Variants in SLC14A2 observed in about 807,000 individuals in gnomAD.
The protein encoded by SLC14A2 is solute carrier family 14 member 2.
SLC14A2 carries 91 observed loss-of-function variants against 104.6 expected under a neutral mutation model. That is an observed-to-expected ratio of 0.87 (90% CI 0.73 to 1.04). The LOEUF is 1.04. Among genes scored for constraint, SLC14A2 ranks in the 50% least tolerant of loss-of-function variants. The pLI is 0.00. For synonymous variants in SLC14A2, 476 were observed against 466.4 expected, an observed-to-expected ratio of 1.02 and a Z score of -0.27; for missense variants, 1,189 against 1,156.0, an observed-to-expected ratio of 1.03 and a Z score of -0.41.
At chr18:45,629,465 G>A (rs2045311715) in intron 4 of SLC14A2, among the ~76,000 whole-genome samples, 1 of 152,114 alleles carries the variant, frequency 6.6e-6, no homozygotes, top group African/African-American at 2.4e-5. Flanking sequence ...TGAGCCCCTG[G>A]CAGATCAGCC....
At chr18:45,266,699 TGCAGACACATTGCCA>T (rs1342098576) in intron 1 of SLC14A2, among the ~76,000 whole-genome samples, 4 of 152,188 alleles carry the variant, frequency 2.6e-5, no homozygotes, top group African/African-American at 9.6e-5. Context: ...AATCACCCTT[TGCAGACACATTGCCA>T]AATCATATAT....
At position 45,675,709 on chromosome 18, in the gene SLC14A2, A is replaced by ATATATATAT. The variant is rs57989993; in HGVS notation, c.2512+1893_2512+1894insATATATATT. On this transcript the variant is annotated intron_variant, in intron 18 of 19. Coordinates refer to ENST00000255226, the MANE Select transcript of SLC14A2 (RefSeq NM_007163.4). ...TCTATATATATATATATATATATATATTTTTTTTTTTTTTTTTTTTGGAGA... is the reference window on the plus strand; with the variant it reads ...TCTATATATATATATATATATATATATATATATATTTTTTTTTTTTTTTTTTTTTGGAGA... 8.8e-3 allele frequency among the ~76,000 whole-genome samples: 694 copies of ATATATATAT among 78,428 alleles called. 8 individuals are homozygous for ATATATATAT. Among genetic ancestry groups the ATATATATAT allele is most frequent in the Non-Finnish European group, 0.013 (548 of 42,034 alleles). The allele number at this position is 78,428 out of a possible 152,430, so 51.5% of individuals were successfully genotyped here.
chr18:45,199,459 A>G, the SLC14A2 span, among the ~76,000 whole-genome samples: 1 of 151,890 alleles, frequency 6.6e-6, no homozygotes, highest in African/African-American at 2.4e-5. Context: ...AAATTTGTTC[A>G]GTTCTTTTTT....
chr18:45,557,568 A>G (rs914607926), intron 2 of SLC14A2, among the ~76,000 whole-genome samples: 3 of 152,094 alleles, frequency 2.0e-5, no homozygotes, highest in Non-Finnish European at 4.4e-5. Flanking sequence ...AATGTCCCCA[A>G]ATGCTGCCTC....
chr18:45,623,033 G>A (rs940033509), intron 1 of SLC14A2, among the ~76,000 whole-genome samples: 6 of 152,110 alleles, frequency 3.9e-5, no homozygotes, highest in African/African-American at 1.2e-4. Context: ...CATGAGGGAG[G>A]GAGACAGGTG....
the SLC14A2 span, among the ~76,000 whole-genome samples, chr18:45,179,118 T>G: frequency 6.6e-6 from 1 of 152,048 alleles, no homozygotes; most frequent in Non-Finnish European, 1.5e-5. Context: ...TCCCAGGGAG[T>G]TTGCTTCCTC....
rs568041064 is a variant in SLC14A2 at position 45,515,308 on chromosome 18, A to G, written c.-35+31986A>G. On this transcript the variant is annotated intron_variant, in intron 2 of 20. Coordinates refer to the SLC14A2 transcript ENST00000586448. ...GAGCTAAAATGAATTTTAAGGAGCA[A>G]TGATTATAGAGAGTGTAGACAGTGT... The G allele has an allele frequency of 6.2e-4, 94 of 152,360 alleles. 1 individual carries two copies. The highest frequency in any genetic ancestry group is 2.0e-3 in the African/African-American group (84 of 41,582). 9.4% of individuals were successfully genotyped at this position (152,360 alleles called of 1,614,324 possible).
chr18:45,287,864 C>T (rs529515381), intron 1 of SLC14A2, among the ~76,000 whole-genome samples: 1 of 152,248 alleles, frequency 6.6e-6, no homozygotes, highest in South Asian at 2.1e-4. Flanking sequence ...CCCAGCCCCG[C>T]AGGACCTACA....
chr18:45,254,074 G>A (rs2084450362), intron 1 of SLC14A2, among the ~76,000 whole-genome samples: 1 of 152,114 alleles, frequency 6.6e-6, no homozygotes, highest in African/African-American at 2.4e-5. Flanking sequence ...TTTATAGGTG[G>A]GGAGTCCCAG....
intron 1 of SLC14A2, among the ~76,000 whole-genome samples, chr18:45,379,911 T>C (rs1418091744): frequency 6.6e-6 from 1 of 152,208 alleles, no homozygotes. Context: ...AGGAACACTA[T>C]GTAAATCACT....
chr18:45,318,328 T>C (rs1460513977), intron 1 of SLC14A2, among the ~76,000 whole-genome samples: 1 of 152,136 alleles, frequency 6.6e-6, no homozygotes, highest in African/African-American at 2.4e-5. Context: ...AGGTTTGGGA[T>C]GCTTTTCTCA....
chr18:45,533,988 A>AAAAC (rs531726098), intron 2 of SLC14A2, among the ~76,000 whole-genome samples: 13 of 152,318 alleles, frequency 8.5e-5, no homozygotes, highest in African/African-American at 2.6e-4. Flanking sequence ...AGAAAGAAGA[A>AAAAC]AAACAAACAA....
the SLC14A2 span, among the ~76,000 whole-genome samples, chr18:45,173,191 TGG>T: frequency 2.6e-5 from 4 of 152,064 alleles, no homozygotes; most frequent in Non-Finnish European, 5.9e-5. Flanking sequence ...TTGAAATGGG[TGG>T]GAGATGGAGC....
Position 45,667,055 on chromosome 18 carries a change from A to G in SLC14A2, c.1678A>G (p.Ile560Val). Residue 560 changes from isoleucine (I) to valine (V), a missense_variant, in exon 13 of 20, where the codon ATC becomes GTC. By Grantham distance (29) the Ile-to-Val change is conservative. Coordinates refer to ENST00000255226, the MANE Select transcript of SLC14A2 (RefSeq NM_007163.4). ...AAGGGTCAGCAAAGCCCTCAGCTAC[A>G]TCACAGGAGAGATGAAGGAGTGTGG... The part of the protein sequence containing the change: ...GKRVSKALSY[I>V]TGEMKECGEG... 1 of 1,613,966 alleles carries G rather than the reference A, an allele frequency of 6.2e-7. No individual in the cohort carries two copies. Among genetic ancestry groups the G allele is most frequent in the Non-Finnish European group, 8.5e-7 (1 of 1,179,852 alleles).
In SLC14A2 at chr18:45,683,460, G is replaced by A. The variant is rs1345069057; in HGVS notation, c.*941G>A. ...CAAGAAGAGGCAGGAAAATGTTAAC[G>A]TTCTATAAAGTTTTATTCTTGAGTC... On this transcript the variant is annotated 3_prime_UTR_variant, in exon 20 of 20. Coordinates refer to ENST00000255226, the MANE Select transcript of SLC14A2 (RefSeq NM_007163.4). The A allele has an allele frequency of 2.6e-5, 4 of 152,188 alleles. No individual in the cohort carries two copies. The highest frequency in any genetic ancestry group is 6.5e-5 in the Admixed American group (1 of 15,282). 9.4% of individuals were successfully genotyped at this position (152,188 alleles called of 1,614,324 possible).
At chr18:45,212,806 G>A (rs1165572657), upstream of SLC14A2, among the ~76,000 whole-genome samples, 2 of 152,132 alleles carry the variant, frequency 1.3e-5, no homozygotes, top group Admixed American at 6.5e-5. Flanking sequence ...ACTTTAGTCC[G>A]TTGGTACTGT....
At chr18:45,278,295 T>TA (rs2084724819) in intron 1 of SLC14A2, among the ~76,000 whole-genome samples, 1 of 152,172 alleles carries the variant, frequency 6.6e-6, no homozygotes, top group African/African-American at 2.4e-5. Context: ...ACACTACTGA[T>TA]ATTTGGGGTC....
intron 1 of SLC14A2, among the ~76,000 whole-genome samples, chr18:45,282,624 G>C (rs1427116037): frequency 1.3e-5 from 2 of 152,192 alleles, no homozygotes; most frequent in African/African-American, 2.4e-5. Context: ...CTACCCTGGA[G>C]CACATCTGCA....
chr18:45,211,651 T>C (rs940214623), upstream of SLC14A2, among the ~76,000 whole-genome samples: 1 of 152,206 alleles, frequency 6.6e-6, no homozygotes, highest in African/African-American at 2.4e-5. Context: ...TTATAGCCAT[T>C]GTAATCACTA....
Sources: gnomAD v4.1 joint callset for allele counts (sites outside exome capture counted in the v4.1 genomes callset) on GRCh38, gnomAD v4.1.1 for gene constraint, MANE v1.5 for transcripts, NCBI Gene and HGNC (gene_info 2026-07-23, HGNC 2026-07-21) for gene names.